The following TMEM131L variants were observed in gnomAD, a reference collection of about 807,000 sequenced individuals.
TMEM131L encodes the protein transmembrane 131 like, also known as transmembrane protein 131-like.
A neutral mutation model predicts 192.2 loss-of-function variants in TMEM131L; 54 were observed. The observed-to-expected ratio is 0.28, with a 90% CI of 0.23 to 0.35. TMEM131L has a LOEUF of 0.35. Among genes scored for constraint, TMEM131L ranks in the 10% least tolerant of loss-of-function variants. The pLI is 1.00. For missense variants in TMEM131L, 1,888 were observed against 1,972.9 expected (o/e 0.96, Z 0.82); for synonymous variants, 701 against 704.9 (o/e 0.99, Z 0.09).
At chr4:153,496,977 C>T (rs1733219367) in intron 3 of TMEM131L, among the ~76,000 whole-genome samples, 2 of 152,254 alleles carry the variant, frequency 1.3e-5, no homozygotes, top group South Asian at 4.2e-4. Flanking sequence ...CCTCCCACCT[C>T]AGCCTCCCTA....
chr4:153,588,673 C>T (rs754948325), intron 15 of TMEM131L, among the ~76,000 whole-genome samples: 16 of 152,130 alleles, frequency 1.1e-4, no homozygotes, highest in Non-Finnish European at 1.9e-4. Context: ...TTACATAATT[C>T]GATTTAGTTT....
intron 27 of TMEM131L, 42 bp downstream of exon 27, chr4:153,620,922 C>T (rs1733352072): frequency 1.3e-6 from 2 of 1,517,084 alleles, no homozygotes; most frequent in Non-Finnish European, 8.8e-7. Context: ...ATCTATTTTT[C>T]ACTTTATAAT....
intron 17 of TMEM131L, among the ~76,000 whole-genome samples, 175 bp from the exon 18 acceptor site, chr4:153,592,300 T>C (rs2150848353): frequency 6.6e-6 from 1 of 152,298 alleles, no homozygotes; most frequent in South Asian, 2.1e-4. Context: ...AGCTGTTCTT[T>C]GCCTTTTATG....
At chr4:153,625,543 T>C (rs921460923) in intron 29 of TMEM131L, among the ~76,000 whole-genome samples, 7 of 152,144 alleles carry the variant, frequency 4.6e-5, no homozygotes, top group Non-Finnish European at 7.4e-5. Context: ...GAAGGTTATA[T>C]AATAGTAGGG....
At chr4:153,619,611 T>G (rs543047022) in intron 26 of TMEM131L, among the ~76,000 whole-genome samples, 1 of 152,262 alleles carries the variant, frequency 6.6e-6, no homozygotes, top group Non-Finnish European at 1.5e-5. Context: ...TTTTATTTAC[T>G]GTGGTGTGCA....
intron 3 of TMEM131L, among the ~76,000 whole-genome samples, chr4:153,490,024 T>G (rs957194063): frequency 6.6e-6 from 1 of 152,044 alleles, no homozygotes; most frequent in African/African-American, 2.4e-5. Context: ...TGGTGGGCCA[T>G]TCTGTTGGTT....
At chr4:153,599,349 C>T (rs1044063689) in intron 21 of TMEM131L, among the ~76,000 whole-genome samples, 4 of 152,164 alleles carry the variant, frequency 2.6e-5, no homozygotes, top group African/African-American at 9.6e-5. Context: ...TCAGGTCCCA[C>T]CTCCAACATT....
At position 153,492,763 on chromosome 4, in the gene TMEM131L, G is replaced by GT. The variant is rs1177011124; in HGVS notation, c.239+18883dup. ...TATGAGCAGAGTTTTAAATTTAGGT[G>GT]TTTTTTTTAACTTATATATCTTTTC... On this transcript the variant is annotated intron_variant, in intron 3 of 34. Transcript: ENST00000409959. Among the ~76,000 whole-genome samples the GT allele has an allele frequency of 1.3e-4, 10 of 75,420 alleles. No individual in the cohort carries two copies. The East Asian group carries it at 1.3e-3, about 10-fold the overall frequency. The allele number at this position is 75,420 out of a possible 152,430, so 49.5% of individuals were successfully genotyped here.
chr4:153,593,501 T>G (rs75846583), intron 18 of TMEM131L, among the ~76,000 whole-genome samples: 4,182 of 152,230 alleles, frequency 0.027, 87 homozygotes, highest in Non-Finnish European at 0.042. Context: ...AAAGTTGCTT[T>G]ATATTTAGAG....
intron 9 of TMEM131L, among the ~76,000 whole-genome samples, chr4:153,582,156 A>C (rs1379620155): frequency 6.6e-6 from 1 of 152,152 alleles, no homozygotes; most frequent in Non-Finnish European, 1.5e-5. Flanking sequence ...GGTTATCAAG[A>C]CTTCTGAATG....
intron 9 of TMEM131L, among the ~76,000 whole-genome samples, chr4:153,582,901 G>C (rs75412782): frequency 6.6e-6 from 1 of 152,062 alleles, no homozygotes; most frequent in Non-Finnish European, 1.5e-5. Flanking sequence ...ATTCAGAAGA[G>C]CATTGTGTGA....
At chr4:153,493,082 C>T (rs1732899500) in intron 3 of TMEM131L, among the ~76,000 whole-genome samples, 1 of 152,152 alleles carries the variant, frequency 6.6e-6, no homozygotes, top group Non-Finnish European at 1.5e-5. Context: ...TGCGGTGGCT[C>T]ACGCCTGTAA....
At chr4:153,516,087 T>C (rs1734711106) in intron 3 of TMEM131L, among the ~76,000 whole-genome samples, 1 of 152,168 alleles carries the variant, frequency 6.6e-6, no homozygotes, top group South Asian at 2.1e-4. Context: ...TTGAGTCATG[T>C]ACTATAAATG....
chr4:153,614,387 A>C lies in TMEM131L; in HGVS notation c.3567+1987A>C, dbSNP rs368618822. On this transcript the variant is annotated intron_variant, in intron 26 of 34. Coordinates refer to ENST00000409959, the MANE Select transcript of TMEM131L (RefSeq NM_001131007.2). ...AGAACTGAATTGTTGCCTGCTAAGG[A>C]ATTTCAGAATCAAATTTGTTAAAAG... is the stretch of plus-strand genomic sequence containing the variant. Among the ~76,000 whole-genome samples the C allele has an allele frequency of 1.8e-4, 27 of 152,338 alleles. 2 individuals carry two copies. In the East Asian group the frequency reaches 2.5e-3, roughly 14 times the overall value.
At position 153,512,674 on chromosome 4, in the gene TMEM131L, C is replaced by A. The variant is rs907186591; in HGVS notation, c.240-37399C>A. On this transcript the variant is annotated intron_variant, in intron 3 of 34. Coordinates refer to ENST00000409959, the MANE Select transcript of TMEM131L (RefSeq NM_001131007.2). Reference sequence around the variant, plus strand: ...CTGTCGCCAGGCTGGAATGCAGTGGCTCAATCTCAGCTCACTGAAACCTCC... The same window carrying A: ...CTGTCGCCAGGCTGGAATGCAGTGGATCAATCTCAGCTCACTGAAACCTCC... Among the ~76,000 whole-genome samples, 3 of 152,140 alleles carry A rather than the reference C, an allele frequency of 2.0e-5. No individual in the cohort carries two copies. The South Asian group carries it at 6.2e-4, about 31-fold the overall frequency.
intron 25 of TMEM131L, among the ~76,000 whole-genome samples, chr4:153,605,497 A>G (rs1359613458): frequency 6.6e-6 from 1 of 152,212 alleles, no homozygotes; most frequent in Non-Finnish European, 1.5e-5. Flanking sequence ...CCTCCTGAGT[A>G]GCTGGGACTA....
intron 26 of TMEM131L, among the ~76,000 whole-genome samples, chr4:153,620,544 G>A (rs1240122325): frequency 1.3e-5 from 2 of 152,138 alleles, no homozygotes; most frequent in African/African-American, 4.8e-5. Context: ...AATTTTATAG[G>A]CAACAATTCT....
At chr4:153,578,232 T>C (rs1730090466) in intron 7 of TMEM131L, among the ~76,000 whole-genome samples, 1 of 152,156 alleles carries the variant, frequency 6.6e-6, no homozygotes, top group Non-Finnish European at 1.5e-5. Flanking sequence ...AGTGCACGCT[T>C]GTAGTCCCAG....
intron 3 of TMEM131L, among the ~76,000 whole-genome samples, chr4:153,544,762 T>C (rs955357741): frequency 2.6e-5 from 4 of 152,200 alleles, no homozygotes; most frequent in African/African-American, 9.7e-5. Context: ...GCTCTTCTGT[T>C]TTTGGACTCT....
Sources: gnomAD v4.1 joint callset for allele counts (sites outside exome capture counted in the v4.1 genomes callset) on GRCh38, gnomAD v4.1.1 for gene constraint, MANE v1.5 for transcripts, NCBI Gene and HGNC (gene_info 2026-07-23, HGNC 2026-07-21) for gene names.